The following RPH3A variants were observed in gnomAD, a reference collection of about 807,000 sequenced individuals.
The protein encoded by RPH3A is rabphilin-3A.
Under a neutral mutation model 102.2 loss-of-function variants are expected in RPH3A, and 48 were observed. The observed-to-expected ratio is 0.47, with a 90% CI of 0.37 to 0.60. The LOEUF is 0.60. Among genes scored for constraint, RPH3A ranks in the 20% least tolerant of loss-of-function variants. RPH3A has a pLI of 0.00. For missense variants in RPH3A, 781 were observed against 910.1 expected, an observed-to-expected ratio of 0.86 and a Z score of 1.83; for synonymous variants, 310 against 324.3, an observed-to-expected ratio of 0.96 and a Z score of 0.47.
intron 2 of RPH3A, among the ~76,000 whole-genome samples, chr12:112,818,918 C>T (rs183386442): frequency 6.6e-6 from 1 of 152,226 alleles, no homozygotes; most frequent in Admixed American, 6.5e-5. Context: ...TCAAATAACA[C>T]TAACAGTGTC....
At chr12:112,894,401 G>A (rs1405741547) in intron 19 of RPH3A, 177 bp from the exon 20 acceptor site, 2 of 628,820 alleles carry the variant, frequency 3.2e-6, no homozygotes, top group African/African-American at 1.9e-5. Flanking sequence ...TGCCTAAGTT[G>A]CTCAGTCAAG....
chr12:112,620,659 T>C (rs1016456534), intron 1 of RPH3A, among the ~76,000 whole-genome samples: 1 of 152,198 alleles, frequency 6.6e-6, no homozygotes, highest in African/African-American at 2.4e-5. Context: ...GAACTTCTCA[T>C]AGGAAGTTCA....
At chr12:112,705,372 A>AACAG (rs2040421358) in intron 1 of RPH3A, among the ~76,000 whole-genome samples, 1 of 152,230 alleles carries the variant, frequency 6.6e-6, no homozygotes, top group South Asian at 2.1e-4. Flanking sequence ...GATATTGGGA[A>AACAG]ACAGACAACT....
At chr12:112,749,013 GTTC>G (rs1236617627) in intron 1 of RPH3A, among the ~76,000 whole-genome samples, 4 of 152,150 alleles carry the variant, frequency 2.6e-5, no homozygotes, top group Admixed American at 2.6e-4. Flanking sequence ...ATGCTCTCAT[GTTC>G]TTCTTTATGT....
intron 1 of RPH3A, among the ~76,000 whole-genome samples, chr12:112,582,415 A>G (rs1049114517): frequency 2.0e-5 from 3 of 146,574 alleles, no homozygotes; most frequent in African/African-American, 7.6e-5. Flanking sequence ...CTGGCCATGA[A>G]AAACAGGCAT....
At chr12:112,717,294 A>G (rs2136040182) in intron 1 of RPH3A, among the ~76,000 whole-genome samples, 1 of 152,172 alleles carries the variant, frequency 6.6e-6, no homozygotes, top group Middle Eastern at 3.4e-3. Flanking sequence ...CCCCATCCCA[A>G]ATTCTCTCAT....
intron 5 of RPH3A, among the ~76,000 whole-genome samples, chr12:112,857,199 G>A (rs943611016): frequency 6.6e-6 from 1 of 152,186 alleles, no homozygotes; most frequent in Non-Finnish European, 1.5e-5. Flanking sequence ...AGTCAGGGAG[G>A]AATTGTTCTG....
At chr12:112,654,762 T>C (rs2039998377) in intron 1 of RPH3A, among the ~76,000 whole-genome samples, 1 of 152,216 alleles carries the variant, frequency 6.6e-6, no homozygotes, top group South Asian at 2.1e-4. Flanking sequence ...CCTCAGATGG[T>C]AGGTCTTACA....
intron 1 of RPH3A, among the ~76,000 whole-genome samples, chr12:112,657,464 C>A (rs1315144881): frequency 6.6e-6 from 1 of 152,062 alleles, no homozygotes; most frequent in African/African-American, 2.4e-5. Context: ...GTATTATGTA[C>A]TGTACAGAAT....
chr12:112,759,060 T>C (rs2040837838), intron 1 of RPH3A, among the ~76,000 whole-genome samples: 3 of 152,240 alleles, frequency 2.0e-5, no homozygotes, highest in Admixed American at 2.0e-4. Flanking sequence ...CCCAGTTTAG[T>C]GATGTTTCTA....
At chr12:112,755,334 C>T (rs894966053) in intron 1 of RPH3A, among the ~76,000 whole-genome samples, 1 of 139,254 alleles carries the variant, frequency 7.2e-6, no homozygotes, top group Non-Finnish European at 1.6e-5. Flanking sequence ...CACACACACA[C>T]ACACATACAT....
chr12:112,825,699 G>A (rs925170289), intron 2 of RPH3A, among the ~76,000 whole-genome samples: 7 of 152,160 alleles, frequency 4.6e-5, no homozygotes, highest in African/African-American at 1.7e-4. Flanking sequence ...CTATGCTAGT[G>A]TTGGAGATTA....
intron 1 of RPH3A, among the ~76,000 whole-genome samples, chr12:112,647,247 G>GT (rs2039938241): frequency 6.6e-6 from 1 of 151,994 alleles, no homozygotes; most frequent in Non-Finnish European, 1.5e-5. Context: ...CAAGCCATTT[G>GT]TTGGCTAAGA....
chr12:112,629,579 C>A (rs1203118304), intron 1 of RPH3A, among the ~76,000 whole-genome samples: 2 of 150,072 alleles, frequency 1.3e-5, no homozygotes, highest in African/African-American at 4.9e-5. Context: ...TGGGCTCAAG[C>A]AATCCTCCTG....
chr12:112,621,895 T>C (rs2039731235), intron 1 of RPH3A, among the ~76,000 whole-genome samples: 1 of 150,850 alleles, frequency 6.6e-6, no homozygotes, highest in Non-Finnish European at 1.5e-5. Flanking sequence ...AGTGGGTCCC[T>C]GACCCCTGAC....
intron 1 of RPH3A, among the ~76,000 whole-genome samples, chr12:112,766,452 C>T (rs1246328367): frequency 6.6e-6 from 1 of 151,980 alleles, no homozygotes; most frequent in Non-Finnish European, 1.5e-5. Flanking sequence ...GACCCTGAAA[C>T]GTGAAAATTA....
Position 112,828,400 on chromosome 12 carries a change from G to T in RPH3A, c.71+11G>T. 2 of 1,597,442 alleles carry T rather than the reference G, an allele frequency of 1.3e-6. No individual in the cohort carries two copies. The highest frequency in any genetic ancestry group is 1.7e-6 in the Non-Finnish European group (2 of 1,171,396). On this transcript the variant is annotated intron_variant, in intron 3 of 21. Coordinates refer to ENST00000389385, the MANE Select transcript of RPH3A (RefSeq NM_001143854.2). ...GCCCCTTCAATCAAAGTAAGTTGCT[G>T]CATCTTCCTGGGAGTGGCTTGTTTT...
intron 2 of RPH3A, among the ~76,000 whole-genome samples, chr12:112,823,634 G>T (rs182940670): frequency 6.6e-6 from 1 of 152,284 alleles, no homozygotes; most frequent in Non-Finnish European, 1.5e-5. Flanking sequence ...GCTGGAATTT[G>T]GTACTATTTA....
chr12:112,666,776 C>G (rs947323051), intron 1 of RPH3A, among the ~76,000 whole-genome samples: 2 of 152,116 alleles, frequency 1.3e-5, no homozygotes, highest in East Asian at 3.9e-4. Context: ...CTACTTTGCT[C>G]CAAAGCAAAA....
Sources: allele counts gnomAD v4.1 joint callset (sites outside exome capture counted in the v4.1 genomes callset), GRCh38; gene constraint gnomAD v4.1.1; transcripts MANE v1.5; gene names NCBI Gene and HGNC (gene_info 2026-07-23, HGNC 2026-07-21).